Variants in KIF3A observed in about 807,000 individuals in gnomAD.
KIF3A encodes kinesin family member 3A.
A neutral mutation model predicts 92.6 loss-of-function variants in KIF3A; 27 were observed. That is an observed-to-expected ratio of 0.29 (90% CI 0.21 to 0.40). KIF3A has a LOEUF of 0.40. Ranked by LOEUF, KIF3A falls within the 10% of genes least tolerant of loss-of-function variation. The probability of loss-of-function intolerance (pLI) is 1.00; values close to 1 mark genes in which losing one functional copy is unlikely to be tolerated. For missense variants in KIF3A, 581 were observed against 872.6 expected, an observed-to-expected ratio of 0.67 and a Z score of 4.21; for synonymous variants, 250 against 275.4, an observed-to-expected ratio of 0.91 and a Z score of 0.92.
intron 4 of KIF3A, 34 bp downstream of exon 4, chr5:132,726,094 G>T: frequency 6.8e-7 from 1 of 1,470,066 alleles, no homozygotes; most frequent in Non-Finnish European, 9.3e-7. Context: ...TATTGCTTTG[G>T]AAAAAGTACT....
chr5:132,720,145 G>A (rs2149910463), intron 5 of KIF3A, among the ~76,000 whole-genome samples: 1 of 152,250 alleles, frequency 6.6e-6, no homozygotes, highest in South Asian at 2.1e-4. Context: ...CGTGGCTATG[G>A]CTTAGGTGTG....
intron 9 of KIF3A, among the ~76,000 whole-genome samples, chr5:132,709,524 T>G (rs1753342236): frequency 1.3e-5 from 2 of 152,196 alleles, no homozygotes; most frequent in South Asian, 4.1e-4. Flanking sequence ...ATTTTTAAAT[T>G]TCTAAGCCTG....
chr5:132,703,065 T>C lies in KIF3A; in HGVS notation c.1467A>G (p.Gln489=). ...EKREKDLLKA[Q]QEHQSLLEKL... ...TTTCCAGCAAAGACTGATGCTCTTGTCTGTTGATTAGAATGAGAATACTCT... is the reference window on the plus strand; with the variant it reads ...TTTCCAGCAAAGACTGATGCTCTTGCCTGTTGATTAGAATGAGAATACTCT... Residue 489 remains glutamine, a splice_region_variant and synonymous_variant, in exon 13 of 19, where the codon CAA becomes CAG. Transcript: ENST00000403231. The C allele has an allele frequency of 6.2e-7, 1 of 1,603,568 alleles. No homozygotes were observed. The highest frequency in any genetic ancestry group is 8.5e-7 in the Non-Finnish European group (1 of 1,176,276).
intron 14 of KIF3A, 86 bp downstream of exon 14, chr5:132,702,469 CATT>C: frequency 1.3e-6 from 1 of 778,290 alleles, no homozygotes; most frequent in Non-Finnish European, 2.1e-6. Flanking sequence ...TATAAGCTCA[CATT>C]ATGATTATTT....
chr5:132,691,978 A>T (rs1386245316), downstream of KIF3A, among the ~76,000 whole-genome samples: 3 of 150,558 alleles, frequency 2.0e-5, no homozygotes, highest in African/African-American at 4.8e-5. Context: ...AAAATAAAAT[A>T]AAATTTAATT....
At chr5:132,699,317 A>G (rs1195753321) in intron 17 of KIF3A, 22 bp from the exon 18 acceptor site, 3 of 1,611,162 alleles carry the variant, frequency 1.9e-6, no homozygotes, top group African/African-American at 2.7e-5. Context: ...AAACAAACAC[A>G]AAGCACTCTT....
At chr5:132,700,773 A>C in intron 15 of KIF3A, 73 bp from the exon 16 acceptor site, 1 of 891,910 alleles carries the variant, frequency 1.1e-6, no homozygotes, top group South Asian at 1.5e-5. Context: ...ATAAAACTAA[A>C]ATCTTAATAA....
rs749854047 is a variant in KIF3A, at chr5:132,720,625, C to G, written c.600G>C (p.Thr200=). The change falls in exon 5 of 19, where the codon ACG becomes ACC. Residue 200 remains threonine (T), a synonymous_variant. Transcript: ENST00000403231. The part of the protein sequence containing the change: ...NNADDMDRIM[T]LGHKNRSVGA... ...TATACTTACGATTTTTGTGGCCTAG[C>G]GTCATAATTCTATCCATATCATCAG... 6.2e-7 allele frequency: 1 copy of G among 1,605,852 alleles called. No homozygotes were observed. Among genetic ancestry groups the G allele is most frequent in the Non-Finnish European group, 8.5e-7 (1 of 1,174,526 alleles).
At chr5:132,721,746 T>C (rs1163940473) in intron 4 of KIF3A, among the ~76,000 whole-genome samples, 1 of 151,692 alleles carries the variant, frequency 6.6e-6, no homozygotes, top group African/African-American at 2.4e-5. Flanking sequence ...ATGATCTCTA[T>C]AAGCCAGTGG....
intron 5 of KIF3A, among the ~76,000 whole-genome samples, chr5:132,719,992 C>T (rs972101886): frequency 6.6e-6 from 1 of 152,050 alleles, no homozygotes; most frequent in African/African-American, 2.4e-5. Context: ...GACTACTGGC[C>T]TAGGTTTTTT....
chr5:132,719,695 T>C (rs909276305), intron 5 of KIF3A, among the ~76,000 whole-genome samples: 1 of 152,060 alleles, frequency 6.6e-6, no homozygotes, highest in Admixed American at 6.6e-5. Context: ...TTTCACCATG[T>C]TGGCCAGGCT....
At chr5:132,724,853 A>ATG (rs1753983738) in intron 4 of KIF3A, among the ~76,000 whole-genome samples, 4 of 32,360 alleles carry the variant, frequency 1.2e-4, no homozygotes, top group Non-Finnish European at 4.1e-4. Context: ...ATATATATAT[A>ATG]TATTAAAAAA....
At chr5:132,714,010 C>A (rs997526637) in intron 8 of KIF3A, among the ~76,000 whole-genome samples, 1 of 149,794 alleles carries the variant, frequency 6.7e-6, no homozygotes, top group Non-Finnish European at 1.5e-5. Context: ...GATCCTCCTG[C>A]CTCAGCCTCC....
chr5:132,692,483 C>G (rs1752692203), downstream of KIF3A: 1 of 152,236 alleles, frequency 6.6e-6, no homozygotes, highest in South Asian at 2.1e-4. Flanking sequence ...AAAAGACCCA[C>G]AACATTAAGC....
Position 132,700,215 on chromosome 5 carries a change from C to A in KIF3A, c.2007+1G>T. 6.5e-7 allele frequency: 1 copy of A among 1,533,024 alleles called. No individual in the cohort carries two copies. Among genetic ancestry groups the A allele is most frequent in the East Asian group, 2.3e-5 (1 of 44,440 alleles). 95.0% of individuals were successfully genotyped at this position (1,533,024 alleles called of 1,614,324 possible). A position where few individuals can be genotyped will look rare whatever the true frequency, so the allele number is the denominator to read the frequency against. ...TTTTGTTTTTTTTTAAGTACTCTTACATCTTTCTCCTTTTTATCAGGTACT... is the reference window on the plus strand; with the variant it reads ...TTTTGTTTTTTTTTAAGTACTCTTAAATCTTTCTCCTTTTTATCAGGTACT... On this transcript the variant is annotated splice_donor_variant, in intron 17 of 18. Transcript: ENST00000403231. LOFTEE classifies it high-confidence loss of function.
chr5:132,732,456 T>TA (rs1754264522), intron 2 of KIF3A, among the ~76,000 whole-genome samples: 1 of 152,222 alleles, frequency 6.6e-6, no homozygotes, highest in Non-Finnish European at 1.5e-5. Context: ...ATGATATATC[T>TA]ATACAATATT....
At chr5:132,722,125 C>T (rs149505666) in intron 4 of KIF3A, among the ~76,000 whole-genome samples, 23 of 152,248 alleles carry the variant, frequency 1.5e-4, no homozygotes, top group Non-Finnish European at 2.9e-4. Flanking sequence ...TCATTCTCAC[C>T]GCAGACTGAA....
chr5:132,714,248 A>G (rs976925844), intron 8 of KIF3A, among the ~76,000 whole-genome samples: 1 of 152,072 alleles, frequency 6.6e-6, no homozygotes, highest in Non-Finnish European at 1.5e-5. Flanking sequence ...GACAAAGCAG[A>G]ATGGTTGTTG....
intron 1 of KIF3A, chr5:132,736,668 A>G (rs1031119543): frequency 3.3e-4 from 129 of 387,382 alleles, no homozygotes; most frequent in Non-Finnish European, 2.2e-4. Context: ...TCTCCTGTGT[A>G]TTATTTCACG....
Sources: gnomAD v4.1 joint callset for allele counts (sites outside exome capture counted in the v4.1 genomes callset) on GRCh38, gnomAD v4.1.1 for gene constraint, MANE v1.5 for transcripts, NCBI Gene and HGNC (gene_info 2026-07-23, HGNC 2026-07-21) for gene names.